The following THSD7A variants were observed in gnomAD, a reference collection of about 807,000 sequenced individuals.
THSD7A encodes the protein thrombospondin type-1 domain-containing protein 7A.
Under a neutral mutation model 231.3 loss-of-function variants are expected in THSD7A, and 96 were observed. The ratio of observed to expected loss-of-function variants is 0.41; its 90% CI spans 0.35 to 0.49. The LOEUF (loss-of-function observed/expected upper bound fraction) is 0.49. Ranked by LOEUF, THSD7A falls within the 20% of genes least tolerant of loss-of-function variation. The probability of loss-of-function intolerance (pLI) is 0.05; values close to 1 mark genes in which losing one functional copy is unlikely to be tolerated. For synonymous variants in THSD7A, 940 were observed against 743.3 expected, an observed-to-expected ratio of 1.26 and a Z score of -4.30; for missense variants, 2,290 against 2,070.2, an observed-to-expected ratio of 1.11 and a Z score of -2.06.
chr7:11,669,410 C>T (rs1020447116), intron 1 of THSD7A, among the ~76,000 whole-genome samples: 1 of 151,736 alleles, frequency 6.6e-6, no homozygotes, highest in African/African-American at 2.4e-5. Context: ...AGATGCTTGG[C>T]TTGTTTTTTT....
At chr7:11,652,363 C>T (rs1230647718) in intron 1 of THSD7A, among the ~76,000 whole-genome samples, 2 of 151,910 alleles carry the variant, frequency 1.3e-5, no homozygotes, top group Non-Finnish European at 1.5e-5. Flanking sequence ...TACTGTGATA[C>T]ACTTAGAACA....
chr7:11,406,613 A>G lies in THSD7A; in HGVS notation c.4063-139T>C. 2.1e-6 allele frequency: 2 copies of G among 941,856 alleles called. No homozygotes were observed. Among genetic ancestry groups the G allele is most frequent in the East Asian group, 2.7e-5 (1 of 37,662 alleles). 58.3% of individuals were successfully genotyped at this position (941,856 alleles called of 1,614,324 possible). On this transcript the variant is annotated intron_variant, in intron 21 of 27. Transcript: ENST00000423059. This position sits in a 1 kb window ranked among gnomAD's most constrained non-coding sequence, Gnocchi z 4.7. ...TTTGAAACCCTAGGGAAGAAGCCCTATAGGGCACTAGCAATAAAGCATACA... is the reference window on the plus strand; with the variant it reads ...TTTGAAACCCTAGGGAAGAAGCCCTGTAGGGCACTAGCAATAAAGCATACA...
chr7:11,681,270 C>A (rs1022717067), intron 1 of THSD7A, among the ~76,000 whole-genome samples: 9 of 151,872 alleles, frequency 5.9e-5, no homozygotes, highest in African/African-American at 2.2e-4. Context: ...TTGATGGGTG[C>A]AGCAAACCAC....
chr7:11,487,793 C>G (rs1316758351), intron 6 of THSD7A, among the ~76,000 whole-genome samples: 1 of 152,112 alleles, frequency 6.6e-6, no homozygotes, highest in Non-Finnish European at 1.5e-5. Context: ...GAGACCGACA[C>G]CATTATTTAA....
intron 1 of THSD7A, among the ~76,000 whole-genome samples, chr7:11,777,436 C>T (rs1783448663): frequency 6.6e-6 from 1 of 151,620 alleles, no homozygotes; most frequent in Admixed American, 6.6e-5. Flanking sequence ...CACACACACA[C>T]ACACACACAC....
chr7:11,583,671 T>A (rs1482963124), intron 4 of THSD7A, among the ~76,000 whole-genome samples: 3 of 152,210 alleles, frequency 2.0e-5, no homozygotes, highest in Non-Finnish European at 4.4e-5. Context: ...GGATTATTTT[T>A]CCTTGCATAA....
At chr7:11,653,803 A>G (rs1782605913) in intron 1 of THSD7A, among the ~76,000 whole-genome samples, 3 of 151,942 alleles carry the variant, frequency 2.0e-5, no homozygotes, top group Admixed American at 1.3e-4. Context: ...CATCGTAGTC[A>G]TGTGCACTAA....
Position 11,641,015 on chromosome 7 carries a change from T to C in THSD7A, c.191-4054A>G, listed in dbSNP as rs575796652. 8.4e-4 allele frequency among the ~76,000 whole-genome samples: 128 copies of C among 152,236 alleles called. 1 individual carries two copies. The highest frequency in any genetic ancestry group is 3.4e-3 in the Middle Eastern group (1 of 294). ...ATGTTGATCCCACTACAGAGGGTGG[T>C]TAGTCAGTGAAAATAGTTTTTTGAT... On this transcript the variant is annotated intron_variant, in intron 1 of 27. Coordinates refer to ENST00000423059, the MANE Select transcript of THSD7A (RefSeq NM_015204.3).
In THSD7A at chr7:11,709,091, T is replaced by C. The variant is rs982548041; in HGVS notation, c.191-72130A>G. On this transcript the variant is annotated intron_variant, in intron 1 of 27. Coordinates refer to ENST00000423059, the MANE Select transcript of THSD7A (RefSeq NM_015204.3). ...TGAATAAAATATAATCCTGCTCTTA[T>C]GTAAATCACTAGTATAATCTGAGCT... 2.7e-5 allele frequency among the ~76,000 whole-genome samples: 4 copies of C among 150,938 alleles called. 1 individual carries two copies. The highest frequency in any genetic ancestry group is 1.3e-4 in the Admixed American group (2 of 15,110).
At chr7:11,824,041 T>A (rs1417371665) in intron 1 of THSD7A, among the ~76,000 whole-genome samples, 1 of 152,134 alleles carries the variant, frequency 6.6e-6, no homozygotes, top group Admixed American at 6.5e-5. Context: ...TGACAACATT[T>A]AATGCTGTCA....
At chr7:11,819,724 T>G (rs774348385) in intron 1 of THSD7A, among the ~76,000 whole-genome samples, 16 of 152,180 alleles carry the variant, frequency 1.1e-4, no homozygotes, top group Non-Finnish European at 2.2e-4. Flanking sequence ...TTCTATATAA[T>G]ATGGTAATGG....
At chr7:11,509,683 G>A (rs1313604184) in intron 6 of THSD7A, among the ~76,000 whole-genome samples, 6 of 150,920 alleles carry the variant, frequency 4.0e-5, no homozygotes, top group Admixed American at 6.6e-5. Flanking sequence ...TTAGCCGGGC[G>A]CAGTGGCGGG....
intron 2 of THSD7A, among the ~76,000 whole-genome samples, chr7:11,611,595 C>T (rs1780922457): frequency 1.3e-5 from 2 of 151,530 alleles, no homozygotes; most frequent in South Asian, 4.2e-4. Flanking sequence ...ATTATTTGTC[C>T]AGAAAAGCTA....
chr7:11,762,363 C>T (rs1434505681), intron 1 of THSD7A, among the ~76,000 whole-genome samples: 1 of 152,088 alleles, frequency 6.6e-6, no homozygotes, highest in African/African-American at 2.4e-5. Context: ...CCAGCAATGT[C>T]TAGGCGGTTC....
At chr7:11,517,803 A>G (rs560973001) in intron 6 of THSD7A, among the ~76,000 whole-genome samples, 1 of 152,362 alleles carries the variant, frequency 6.6e-6, no homozygotes, top group East Asian at 1.9e-4. Context: ...GCTAATTTGC[A>G]TTCTTCCCAT....
intron 1 of THSD7A, among the ~76,000 whole-genome samples, chr7:11,755,836 C>A (rs1021936764): frequency 2.6e-5 from 4 of 151,934 alleles, no homozygotes; most frequent in African/African-American, 9.7e-5. Context: ...TAGATGTATT[C>A]ACTTAAATAA....
intron 17 of THSD7A, among the ~76,000 whole-genome samples, chr7:11,414,838 T>G (rs1030334441): frequency 1.2e-4 from 18 of 152,224 alleles, no homozygotes; most frequent in African/African-American, 3.4e-4. Context: ...AAAGGTCTTG[T>G]TCGTTTCTGC....
intron 1 of THSD7A, among the ~76,000 whole-genome samples, chr7:11,744,886 AG>A (rs1324424336): frequency 6.6e-6 from 1 of 152,088 alleles, no homozygotes; most frequent in East Asian, 1.9e-4. Context: ...TGTTGTGAGT[AG>A]TGCCACAATA....
intron 17 of THSD7A, among the ~76,000 whole-genome samples, chr7:11,413,199 G>T (rs1468968673): frequency 6.6e-6 from 1 of 151,806 alleles, no homozygotes; most frequent in Non-Finnish European, 1.5e-5. Flanking sequence ...TAAATGACTA[G>T]GTGTTAGTGA....
Sources: gnomAD v4.1 joint callset for allele counts (sites outside exome capture counted in the v4.1 genomes callset) on GRCh38, gnomAD v4.1.1 for gene constraint, Gnocchi (gnomAD v3.1) non-coding constraint, MANE v1.5 for transcripts, NCBI Gene and HGNC (gene_info 2026-07-23, HGNC 2026-07-21) for gene names.